The following PIP4P2 variants were observed in gnomAD, a reference collection of about 807,000 sequenced individuals.
The protein encoded by PIP4P2 is type 2 phosphatidylinositol 4,5-bisphosphate 4-phosphatase.
PIP4P2 carries 19 observed loss-of-function variants against 33.3 expected under a neutral mutation model. That is an observed-to-expected ratio of 0.57 (90% CI 0.40 to 0.84). The LOEUF is 0.84. PIP4P2 is among the 40% of genes least tolerant of loss of function. The pLI, the probability that PIP4P2 is intolerant of heterozygous loss-of-function variation, is 0.00. For synonymous variants in PIP4P2, 110 were observed against 111.9 expected (o/e 0.98, Z 0.11); for missense variants, 270 against 324.7 (o/e 0.83, Z 1.29).
In PIP4P2 at chr8:91,013,556, A is replaced by T. The variant is rs185810360; in HGVS notation, c.487-4761T>A. 5.6e-4 allele frequency among the ~76,000 whole-genome samples: 85 copies of T among 152,246 alleles called. 1 individual carries two copies. The highest frequency in any genetic ancestry group is 5.6e-3 in the Admixed American group (85 of 15,294). On this transcript the variant is annotated intron_variant, in intron 4 of 6. Coordinates refer to ENST00000285419, the MANE Select transcript of PIP4P2 (RefSeq NM_018710.3). ...ATACTGATTTTTATTTATTTTAAAG[A>T]TAGGGTCTCATTCTATCACCCAGGC...
Position 91,006,172 on chromosome 8 carries a change from C to T in PIP4P2, c.539+2571G>A, listed in dbSNP as rs561520621. 1.9e-3 allele frequency among the ~76,000 whole-genome samples: 282 copies of T among 152,268 alleles called. 2 individuals carry two copies. Among genetic ancestry groups the T allele is most frequent in the African/African-American group, 6.2e-3 (259 of 41,552 alleles). The stretch of plus-strand genomic sequence containing the variant: ...CTCCAACAGATGACCCATCATTTTG[C>T]TCTGAAGGAAAACATTCAAAAAGAA... On this transcript the variant is annotated intron_variant, in intron 5 of 6. Coordinates refer to ENST00000285419, the MANE Select transcript of PIP4P2 (RefSeq NM_018710.3).
intron 4 of PIP4P2, among the ~76,000 whole-genome samples, chr8:91,016,182 G>A (rs371731137): frequency 1.3e-5 from 2 of 152,016 alleles, no homozygotes; most frequent in South Asian, 2.1e-4. Flanking sequence ...TTAAAAAATC[G>A]GAGACAAACA....
In PIP4P2 at chr8:90,996,050, ATC is replaced by A. The variant is rs779899130; in HGVS notation, c.631-232_631-231del. Among the ~76,000 whole-genome samples, 6 of 152,188 alleles carry A rather than the reference ATC, an allele frequency of 3.9e-5. No homozygotes were observed. In the East Asian group the frequency reaches 1.2e-3, roughly 29 times the overall value. On this transcript the variant is annotated intron_variant, in intron 6 of 6. Transcript: ENST00000285419. ...ACAAAAAAGCACACTAAACTATATT[ATC>A]TCTACAAGGAATTTAATCCATGTAA...
chr8:90,995,972 G>A (rs994283741), intron 6 of PIP4P2, 152 bp from the exon 7 acceptor site: 2 of 766,440 alleles, frequency 2.6e-6, no homozygotes, highest in African/African-American at 1.8e-5. Context: ...TCTGTTGACT[G>A]CAACTGATAG....
At chr8:91,014,228 C>G (rs1811880847) in intron 4 of PIP4P2, among the ~76,000 whole-genome samples, 1 of 152,026 alleles carries the variant, frequency 6.6e-6, no homozygotes, top group Non-Finnish European at 1.5e-5. Context: ...ACTGAAAGAC[C>G]CAGAATAGAC....
At chr8:91,019,747 G>A (rs1036677976) in intron 3 of PIP4P2, among the ~76,000 whole-genome samples, 1 of 151,770 alleles carries the variant, frequency 6.6e-6, no homozygotes, top group African/African-American at 2.4e-5. Flanking sequence ...CTAATTTTTT[G>A]TAGAGATGGG....
chr8:91,035,655 T>C (rs1812223208), intron 1 of PIP4P2, among the ~76,000 whole-genome samples: 2 of 152,198 alleles, frequency 1.3e-5, no homozygotes, highest in African/African-American at 4.8e-5. Context: ...CTCCCTAGGT[T>C]ATCTCATATG....
intron 6 of PIP4P2, 24 bp from the exon 7 acceptor site, chr8:90,995,844 A>C (rs775399641): frequency 6.3e-7 from 1 of 1,582,598 alleles, no homozygotes; most frequent in South Asian, 1.2e-5. Flanking sequence ...CAATATAAAA[A>C]CAAAATATTA....
intron 4 of PIP4P2, among the ~76,000 whole-genome samples, chr8:91,011,047 TAGATAGATAGATAGATAGAC>T (rs1247339614): frequency 1.8e-4 from 27 of 148,620 alleles, no homozygotes; most frequent in African/African-American, 3.8e-4. Flanking sequence ...GATAGATAGA[TAGATAGATAGATAGATAGAC>T]AGATAGATAC....
intron 1 of PIP4P2, among the ~76,000 whole-genome samples, chr8:91,036,375 T>C (rs1426551491): frequency 2.6e-5 from 4 of 152,208 alleles, no homozygotes; most frequent in African/African-American, 9.6e-5. Context: ...ATTATCCGTG[T>C]TCCCCAAAAC....
chr8:90,996,702 T>C lies in PIP4P2; in HGVS notation c.582A>G (p.Ala194=). ...GSALPRRRCC[A]YITIGMICIF... The stretch of plus-strand genomic sequence containing the variant: ...TACATATCATTCCAATGGTAATATA[T>C]GCACAGCAGCGTCTTCGTGGAAGTG... The change falls in exon 6 of 7, where the codon GCA becomes GCG. Residue 194 remains alanine (A), a synonymous_variant. Coordinates refer to ENST00000285419, the MANE Select transcript of PIP4P2 (RefSeq NM_018710.3). 1 of 1,610,740 alleles carries C rather than the reference T, an allele frequency of 6.2e-7. No individual in the cohort carries two copies. The highest frequency in any genetic ancestry group is 2.2e-5 in the East Asian group (1 of 44,804).
chr8:91,013,520 T>G (rs1356141081), intron 4 of PIP4P2, among the ~76,000 whole-genome samples: 1 of 152,188 alleles, frequency 6.6e-6, no homozygotes, highest in Non-Finnish European at 1.5e-5. Context: ...TAGTTTATAT[T>G]AAATCAGTAT....
In PIP4P2 at chr8:91,020,221, G is replaced by A. The variant is rs777763169; in HGVS notation, c.298C>T (p.Pro100Ser). 1 of 1,613,632 alleles carries A rather than the reference G, an allele frequency of 6.2e-7. No homozygotes were observed. The highest frequency in any genetic ancestry group is 8.5e-7 in the Non-Finnish European group (1 of 1,179,810). Residue 100 changes from proline (P) to serine (S), a missense_variant, in exon 3 of 7, where the codon CCT becomes TCT. Transcript: ENST00000285419. ...TTACAAATGAGAAGACAATTACAAG[G>A]GCATCTAACATATTTCTTGCCTGTT... The part of the protein sequence containing the change: ...PPTGKKYVRC[P>S]CNCLLICKDT...
At chr8:91,010,375 G>C (rs868056002) in intron 4 of PIP4P2, among the ~76,000 whole-genome samples, 2 of 151,832 alleles carry the variant, frequency 1.3e-5, no homozygotes, top group African/African-American at 2.4e-5. Flanking sequence ...CAAAATCCAA[G>C]ACTTAAGGCT....
At chr8:91,018,673 C>T in intron 3 of PIP4P2, 160 bp from the exon 4 acceptor site, 1 of 1,139,106 alleles carries the variant, frequency 8.8e-7, no homozygotes, top group South Asian at 1.6e-5. Context: ...TAGCAACAGT[C>T]AGTTTTTCAA....
intron 5 of PIP4P2, among the ~76,000 whole-genome samples, chr8:91,000,890 C>T (rs1232658552): frequency 3.3e-5 from 5 of 152,000 alleles, no homozygotes. Context: ...TATATTTTCT[C>T]TTAATCTTAC....
intron 4 of PIP4P2, among the ~76,000 whole-genome samples, chr8:91,012,239 ATTTTTCCTGATTT>A (rs1453536520): frequency 6.6e-6 from 1 of 151,420 alleles, no homozygotes; most frequent in African/African-American, 2.4e-5. Flanking sequence ...CCTAATTATT[ATTTTTCCTGATTT>A]TTTTTCACAT....
At position 91,004,662 on chromosome 8, in the gene PIP4P2, G is replaced by A. The variant is rs371595383; in HGVS notation, c.539+4081C>T. Among the ~76,000 whole-genome samples, 198 of 152,292 alleles carry A rather than the reference G, an allele frequency of 1.3e-3. 1 individual carries two copies. Among genetic ancestry groups the A allele is most frequent in the African/African-American group, 4.7e-3 (196 of 41,564 alleles). On this transcript the variant is annotated intron_variant, in intron 5 of 6. Coordinates refer to ENST00000285419, the MANE Select transcript of PIP4P2 (RefSeq NM_018710.3). ...TGTGCCTTATTCCAAAGAGAATGGGGTGCAATAATCAAATGAAGGTATAAG... is the reference window on the plus strand; with the variant it reads ...TGTGCCTTATTCCAAAGAGAATGGGATGCAATAATCAAATGAAGGTATAAG...
chr8:91,014,354 C>T (rs1009462609), intron 4 of PIP4P2, among the ~76,000 whole-genome samples: 4 of 152,048 alleles, frequency 2.6e-5, no homozygotes, highest in Non-Finnish European at 2.9e-5. Context: ...AAATCTCCAT[C>T]GACAGATGAA....
Sources: allele counts gnomAD v4.1 joint callset (sites outside exome capture counted in the v4.1 genomes callset), GRCh38; gene constraint gnomAD v4.1.1; transcripts MANE v1.5; gene names NCBI Gene and HGNC (gene_info 2026-07-23, HGNC 2026-07-21).